The following AVEN variants were observed in gnomAD, a reference collection of about 807,000 sequenced individuals.
The protein encoded by AVEN is apoptosis and caspase activation inhibitor, also known as cell death regulator Aven.
Under a neutral mutation model 38.1 loss-of-function variants are expected in AVEN, and 41 were observed. The observed-to-expected ratio is 1.08, with a 90% confidence interval of 0.84 to 1.40. The LOEUF is 1.40. AVEN is among the 40% of genes most tolerant of loss of function. The probability of loss-of-function intolerance (pLI) is 0.00; values close to 1 mark genes in which losing one functional copy is unlikely to be tolerated. For missense variants in AVEN, 605 were observed against 438.8 expected, an observed-to-expected ratio of 1.38 and a Z score of -3.38; for synonymous variants, 206 against 171.8, an observed-to-expected ratio of 1.20 and a Z score of -1.56.
At chr15:33,947,926 A>C (rs1894568110) in intron 2 of AVEN, among the ~76,000 whole-genome samples, 1 of 152,190 alleles carries the variant, frequency 6.6e-6, no homozygotes, top group South Asian at 2.1e-4. Context: ...GGTAGAAAAT[A>C]CATGAACAAT....
chr15:34,048,578 G>T lies in AVEN; in HGVS notation n.1637+14344C>A, dbSNP rs182456073. 2.8e-3 allele frequency among the ~76,000 whole-genome samples: 421 copies of T among 152,088 alleles called. 3 individuals carry two copies. The highest frequency in any genetic ancestry group is 9.5e-3 in the African/African-American group (395 of 41,478). ...CTGGGATGGAGCTCCCAGGAGGAGGGGCAGCCGCCATCTCTACAGTTTGGT... is the reference window on the plus strand; with the variant it reads ...CTGGGATGGAGCTCCCAGGAGGAGGTGCAGCCGCCATCTCTACAGTTTGGT... On this transcript the variant is annotated intron_variant and non_coding_transcript_variant, in intron 5 of 11. Transcript: ENST00000675287.
At chr15:34,060,513 A>G (rs1487078032) in intron 5 of AVEN, among the ~76,000 whole-genome samples, 3 of 152,210 alleles carry the variant, frequency 2.0e-5, no homozygotes, top group Non-Finnish European at 2.9e-5. Flanking sequence ...AAGTGTCAAG[A>G]CTGGCCATAG....
intron 2 of AVEN, among the ~76,000 whole-genome samples, chr15:33,920,860 G>A (rs1343990815): frequency 6.6e-6 from 1 of 152,050 alleles, no homozygotes; most frequent in African/African-American, 2.4e-5. Flanking sequence ...TGCAGCTTCT[G>A]CCTCCTGGGT....
rs1295937221 is a variant in AVEN, at chr15:34,003,343, T to G, written c.268-134A>C. Reference sequence around the variant, plus strand: ...CCAAGCTGTCTGAAGATATTAAATATTATTTTAAGAGAATCACACTATACC... The same window carrying G: ...CCAAGCTGTCTGAAGATATTAAATAGTATTTTAAGAGAATCACACTATACC... On this transcript the variant is annotated intron_variant, in intron 1 of 5. Transcript: ENST00000306730. 10 of 748,832 alleles carry G rather than the reference T, an allele frequency of 1.3e-5. No homozygotes were observed. The African/African-American group carries it at 1.8e-4, about 13-fold the overall frequency. The allele number at this position is 748,832 out of a possible 1,614,324, so 46.4% of individuals were successfully genotyped here.
chr15:33,938,368 T>C (rs1894177243), intron 2 of AVEN, among the ~76,000 whole-genome samples: 1 of 151,838 alleles, frequency 6.6e-6, no homozygotes, highest in Non-Finnish European at 1.5e-5. Context: ...GGCAGGAGAA[T>C]GGCGTGAACC....
chr15:33,912,237 G>C (rs1344163257), intron 2 of AVEN, among the ~76,000 whole-genome samples: 3 of 151,962 alleles, frequency 2.0e-5, no homozygotes, highest in African/African-American at 7.2e-5. Context: ...TTCTTTAGAA[G>C]AGGCATAAAT....
chr15:33,966,153 T>G (rs1895371780), intron 2 of AVEN, among the ~76,000 whole-genome samples: 5 of 152,146 alleles, frequency 3.3e-5, no homozygotes, highest in Admixed American at 3.3e-4. Context: ...TAACCACTTT[T>G]TCACCCACCC....
intron 2 of AVEN, among the ~76,000 whole-genome samples, chr15:33,882,575 AG>A (rs1269930669): frequency 6.1e-5 from 9 of 147,188 alleles, no homozygotes; most frequent in South Asian, 2.2e-4. Context: ...AAAAAAAAAT[AG>A]AAATAAGGCT....
At chr15:33,920,944 T>C (rs909107041) in intron 2 of AVEN, among the ~76,000 whole-genome samples, 2 of 151,900 alleles carry the variant, frequency 1.3e-5, no homozygotes, top group African/African-American at 2.4e-5. Flanking sequence ...CCCAGCTAAT[T>C]TGTGTATTTT....
intron 2 of AVEN, among the ~76,000 whole-genome samples, chr15:33,961,758 A>G (rs1330548695): frequency 3.8e-5 from 5 of 132,408 alleles, no homozygotes; most frequent in South Asian, 2.5e-4. Flanking sequence ...GCTTGCAGTG[A>G]GCCGAGATCG....
intron 1 of AVEN, among the ~76,000 whole-genome samples, chr15:34,012,170 T>C (rs2140668566): frequency 6.6e-6 from 1 of 152,352 alleles, no homozygotes; most frequent in Non-Finnish European, 1.5e-5. Flanking sequence ...ACAACTTTTC[T>C]AGTAAAGAAG....
At chr15:33,957,492 G>C (rs763416708) in intron 2 of AVEN, among the ~76,000 whole-genome samples, 22 of 152,058 alleles carry the variant, frequency 1.4e-4, no homozygotes, top group Non-Finnish European at 2.6e-4. Context: ...CTACTCCTAC[G>C]TATTTACCCA....
chr15:33,941,292 T>C (rs1330832644), intron 2 of AVEN, among the ~76,000 whole-genome samples: 2 of 152,232 alleles, frequency 1.3e-5, no homozygotes. Flanking sequence ...ATAGCTAAAC[T>C]GAAACTGTTT....
intron 1 of AVEN, among the ~76,000 whole-genome samples, chr15:34,013,122 C>T (rs889514290): frequency 4.0e-5 from 6 of 151,898 alleles, no homozygotes; most frequent in Admixed American, 2.6e-4. Flanking sequence ...AGTGCAATGG[C>T]GCAATCTTGG....
chr15:34,063,389 C>T lies in AVEN; in HGVS notation n.1170G>A, dbSNP rs764841758. On this transcript the variant is annotated non_coding_transcript_exon_variant, in exon 5 of 12. Coordinates refer to the AVEN transcript ENST00000675287. The surrounding 1 kb of genome is among the most constrained non-coding windows in gnomAD (Gnocchi z 4.1). ...TCTACCGGGAAACAGAGAAGCGAAC[C>T]AAGGACCTGGCTGACCTCCAGGGTT... The T allele has an allele frequency of 6.2e-6, 10 of 1,613,932 alleles. No homozygotes were observed. Among genetic ancestry groups the T allele is most frequent in the Non-Finnish European group, 5.9e-6 (7 of 1,180,028 alleles).
the AVEN span, chr15:33,852,779 A>G: frequency 2.6e-5 from 10 of 379,216 alleles, no homozygotes; most frequent in South Asian, 2.6e-4. Context: ...TGTCATCACA[A>G]TTCTTGGCTC....
downstream of AVEN, among the ~76,000 whole-genome samples, chr15:33,855,204 CTT>C (rs201635608): frequency 6.8e-6 from 1 of 147,474 alleles, no homozygotes. Context: ...CCTTGGAGAT[CTT>C]TTTTTTTTTG....
intron 2 of AVEN, among the ~76,000 whole-genome samples, chr15:33,955,112 A>T (rs772444381): frequency 9.9e-5 from 15 of 152,216 alleles, no homozygotes; most frequent in South Asian, 4.1e-4. Context: ...TAATTTTTTT[A>T]AAATGTAATC....
chr15:34,049,888 C>CTTT (rs61235689), intron 5 of AVEN, among the ~76,000 whole-genome samples: 36 of 137,082 alleles, frequency 2.6e-4, no homozygotes, highest in East Asian at 4.3e-4. Flanking sequence ...TCAACATCAA[C>CTTT]TTTTTTTTTT....
Sources: gnomAD v4.1 joint callset for allele counts (sites outside exome capture counted in the v4.1 genomes callset) on GRCh38, gnomAD v4.1.1 for gene constraint, Gnocchi (gnomAD v3.1) non-coding constraint, MANE v1.5 for transcripts, NCBI Gene and HGNC (gene_info 2026-07-23, HGNC 2026-07-21) for gene names.